KIF13B: variants seen among roughly 807,000 people sequenced by gnomAD.
KIF13B encodes the protein kinesin-like protein KIF13B.
In KIF13B, 127 loss-of-function variants were observed where a neutral mutation model predicts 222.0. The ratio of observed to expected loss-of-function variants is 0.57; its 90% confidence interval spans 0.50 to 0.66. KIF13B has a LOEUF of 0.66. KIF13B is among the 30% of genes least tolerant of loss of function. KIF13B has a pLI of 0.00. For synonymous variants in KIF13B, 976 were observed against 919.0 expected (o/e 1.06, Z -1.12); for missense variants, 2,173 against 2,379.0 (o/e 0.91, Z 1.80).
chr8:29,118,788 GC>G lies in KIF13B; in HGVS notation c.3660+79del, dbSNP rs61501523. ...AGAAATGTAAAGTACTGGCATGATT[GC>G]CTTATTGTTTCAAAAAGCTCGAGGA... On this transcript the variant is annotated intron_variant, in intron 30 of 39. Coordinates refer to ENST00000524189, the MANE Select transcript of KIF13B (RefSeq NM_015254.4). 6.7e-3 allele frequency: 9,527 copies of G among 1,411,676 alleles called. 534 individuals carry two copies. The African/African-American group carries it at 0.12, about 18-fold the overall frequency. The allele number at this position is 1,411,676 out of a possible 1,614,324, so 87.4% of individuals were successfully genotyped here.
intron 10 of KIF13B, among the ~76,000 whole-genome samples, chr8:29,174,128 A>C (rs1812379255): frequency 1.3e-5 from 2 of 152,306 alleles, no homozygotes; most frequent in Admixed American, 1.3e-4. Context: ...AGCACCTAAA[A>C]TATACTTTGA....
intron 2 of KIF13B, 64 bp from the exon 3 acceptor site, chr8:29,196,263 T>A (rs62502838): frequency 7.5e-6 from 9 of 1,206,346 alleles, no homozygotes; most frequent in Non-Finnish European, 9.3e-6. Context: ...AAAAAAAATT[T>A]AGTTTAGAAG....
chr8:29,130,394 T>C lies in KIF13B; in HGVS notation c.3075+139A>G, dbSNP rs370572052. Reference sequence around the variant, plus strand: ...AAATTTAATAGCAATACTTGTGACATGAGATAGGAGAATTTTAATGTAAGA... The same window carrying C: ...AAATTTAATAGCAATACTTGTGACACGAGATAGGAGAATTTTAATGTAAGA... On this transcript the variant is annotated intron_variant, in intron 24 of 39. Coordinates refer to ENST00000524189, the MANE Select transcript of KIF13B (RefSeq NM_015254.4). 17 of 877,356 alleles carry C rather than the reference T, an allele frequency of 1.9e-5. No homozygotes were observed. The East Asian group carries it at 3.2e-4, about 17-fold the overall frequency. The allele number at this position is 877,356 out of a possible 1,614,324, so 54.3% of individuals were successfully genotyped here.
intron 21 of KIF13B, among the ~76,000 whole-genome samples, chr8:29,139,554 C>T (rs1180365214): frequency 6.6e-6 from 1 of 152,230 alleles, no homozygotes; most frequent in African/African-American, 2.4e-5. Context: ...CAGCCCAACT[C>T]CAACAGCTCC....
chr8:29,246,769 T>C (rs1272676414), intron 1 of KIF13B, among the ~76,000 whole-genome samples: 1 of 152,164 alleles, frequency 6.6e-6, no homozygotes, highest in East Asian at 1.9e-4. Context: ...ATCGATGGAA[T>C]AGAATTGAGT....
At chr8:29,192,349 C>T (rs957286426) in intron 3 of KIF13B, among the ~76,000 whole-genome samples, 4 of 152,174 alleles carry the variant, frequency 2.6e-5, no homozygotes, top group South Asian at 2.1e-4. Context: ...GATTCCAAAG[C>T]CCTGGAAATA....
chr8:29,112,188 C>T (rs1484148221), intron 32 of KIF13B, among the ~76,000 whole-genome samples: 4 of 152,116 alleles, frequency 2.6e-5, no homozygotes, highest in East Asian at 3.9e-4. Flanking sequence ...TAGTGGCTCA[C>T]GCCTGTAATC....
At chr8:29,222,321 C>T (rs1814790109) in intron 2 of KIF13B, among the ~76,000 whole-genome samples, 1 of 152,104 alleles carries the variant, frequency 6.6e-6, no homozygotes, top group South Asian at 2.1e-4. Flanking sequence ...TGGCACGGCA[C>T]TGCACTCCAG....
intron 2 of KIF13B, among the ~76,000 whole-genome samples, chr8:29,237,206 T>C (rs1001071990): frequency 5.3e-5 from 8 of 152,078 alleles, no homozygotes; most frequent in Admixed American, 5.2e-4. Flanking sequence ...TGATTTATAT[T>C]AGTAACAATT....
chr8:29,146,678 G>A, intron 17 of KIF13B, 138 bp from the exon 18 acceptor site: 1 of 739,874 alleles, frequency 1.4e-6, no homozygotes. Flanking sequence ...CGCAGGGACT[G>A]TGTTGCTGAC....
intron 26 of KIF13B, among the ~76,000 whole-genome samples, chr8:29,126,074 G>A (rs551259670): frequency 8.6e-5 from 13 of 151,472 alleles, no homozygotes; most frequent in African/African-American, 2.9e-4. Flanking sequence ...GCAACAGGGT[G>A]AGACTCTGTC....
At chr8:29,196,808 C>G (rs1387936821) in intron 2 of KIF13B, among the ~76,000 whole-genome samples, 1 of 152,106 alleles carries the variant, frequency 6.6e-6, no homozygotes, top group Admixed American at 6.5e-5. Context: ...TTGCACATCC[C>G]AAATCCGAAA....
intron 9 of KIF13B, 62 bp downstream of exon 9, chr8:29,177,404 G>A: frequency 9.1e-7 from 1 of 1,095,676 alleles, no homozygotes. Flanking sequence ...AATAACCACA[G>A]ATGTTCCCCT....
intron 2 of KIF13B, among the ~76,000 whole-genome samples, chr8:29,232,429 A>T (rs1292374728): frequency 6.9e-6 from 1 of 144,940 alleles, no homozygotes; most frequent in Non-Finnish European, 1.5e-5. Flanking sequence ...AAATAAAAAA[A>T]ATTAAAAAAT....
chr8:29,081,474 A>C (rs535862607), intron 37 of KIF13B, among the ~76,000 whole-genome samples: 66 of 152,342 alleles, frequency 4.3e-4, no homozygotes, highest in Non-Finnish European at 7.4e-4. Flanking sequence ...TTTCAACCAT[A>C]AATTTTATGA....
chr8:29,165,158 G>A (rs1404027223), intron 12 of KIF13B, among the ~76,000 whole-genome samples: 3 of 152,072 alleles, frequency 2.0e-5, no homozygotes, highest in Admixed American at 6.6e-5. Context: ...ACCACCCTAC[G>A]ATTTCATAAC....
chr8:29,204,609 G>A (rs559989097), intron 2 of KIF13B, among the ~76,000 whole-genome samples: 1 of 152,266 alleles, frequency 6.6e-6, no homozygotes, highest in Admixed American at 6.5e-5. Context: ...TTTGTGGAGG[G>A]TTTTTGATGA....
At chr8:29,212,668 T>G (rs559226023) in intron 2 of KIF13B, among the ~76,000 whole-genome samples, 1 of 152,104 alleles carries the variant, frequency 6.6e-6, no homozygotes, top group African/African-American at 2.4e-5. Flanking sequence ...AGTCTTTGTG[T>G]AGACATTCGT....
At chr8:29,228,474 T>A (rs9314372) in intron 2 of KIF13B, among the ~76,000 whole-genome samples, 1,695 of 30,788 alleles carry the variant, frequency 0.055, 170 homozygotes, top group Middle Eastern at 0.11. Flanking sequence ...CTTAAAAAAA[T>A]ATATATATAT....
Sources: allele counts gnomAD v4.1 joint callset (sites outside exome capture counted in the v4.1 genomes callset), GRCh38; gene constraint gnomAD v4.1.1; transcripts MANE v1.5; gene names NCBI Gene and HGNC (gene_info 2026-07-23, HGNC 2026-07-21).